ITGB5: variants seen among roughly 807,000 people sequenced by gnomAD.
ITGB5 encodes the protein integrin beta-5.
ITGB5 carries 38 observed loss-of-function variants against 84.8 expected under a neutral mutation model. The ratio of observed to expected loss-of-function variants is 0.45; its 90% CI spans 0.35 to 0.59. ITGB5 has a LOEUF of 0.59. Ranked by LOEUF, ITGB5 falls within the 20% of genes least tolerant of loss-of-function variation. The pLI, the probability that ITGB5 is intolerant of heterozygous loss-of-function variation, is 0.01. For missense variants in ITGB5, 905 were observed against 1,034.5 expected, an observed-to-expected ratio of 0.87 and a Z score of 1.72; for synonymous variants, 393 against 414.4, an observed-to-expected ratio of 0.95 and a Z score of 0.63.
Position 124,796,948 on chromosome 3 carries a change from A to C in ITGB5, c.1264-131T>G, listed in dbSNP as rs545498633. The stretch of plus-strand genomic sequence containing the variant: ...CTCCACGCACTCAGGTAGAACCACC[A>C]AGATGGCCGGAGTAGGAAGAGACCT... On this transcript the variant is annotated intron_variant, in intron 9 of 14. Transcript: ENST00000296181. 1.4e-4 allele frequency: 115 copies of C among 817,124 alleles called. 1 individual carries two copies. The African/African-American group carries it at 1.7e-3, about 12-fold the overall frequency. The allele number at this position is 817,124 out of a possible 1,614,324, so 50.6% of individuals were successfully genotyped here.
At chr3:124,797,912 C>G (rs1188138348) in intron 9 of ITGB5, among the ~76,000 whole-genome samples, 1 of 152,088 alleles carries the variant, frequency 6.6e-6, no homozygotes, top group Non-Finnish European at 1.5e-5. Context: ...GCCCGGCCCA[C>G]CCCACAAACA....
chr3:124,880,314 T>C (rs1200186159), intron 1 of ITGB5, among the ~76,000 whole-genome samples: 2 of 152,218 alleles, frequency 1.3e-5, no homozygotes, highest in African/African-American at 4.8e-5. Flanking sequence ...AACATATCAA[T>C]ATGGTTCATT....
rs766514731 is a variant in ITGB5 at position 124,848,425 on chromosome 3, C to T, written c.495G>A (p.Ala165=). 7.0e-5 allele frequency: 113 copies of T among 1,614,042 alleles called. 1 individual carries two copies. The highest frequency in any genetic ancestry group is 3.3e-4 in the Middle Eastern group (2 of 6,084). The change falls in exon 4 of 15, where the codon GCG becomes GCA. Residue 165 remains alanine, a synonymous_variant. Transcript: ENST00000296181. ...DNIRSLGTKL[A]EEMRKLTSNF... Reference sequence around the variant, plus strand: ...TGCTGGTGAGCTTCCTCATCTCCTCCGCGAGTTTGGTGCCCAGGCTCCGGA... The same window carrying T: ...TGCTGGTGAGCTTCCTCATCTCCTCTGCGAGTTTGGTGCCCAGGCTCCGGA...
At chr3:124,870,138 C>T (rs1933925637) in intron 2 of ITGB5, among the ~76,000 whole-genome samples, 1 of 152,206 alleles carries the variant, frequency 6.6e-6, no homozygotes, top group Non-Finnish European at 1.5e-5. Context: ...GTCTTTTTAA[C>T]AGTACTCTTA....
chr3:124,817,258 C>T (rs1302605225), intron 8 of ITGB5, among the ~76,000 whole-genome samples: 1 of 152,104 alleles, frequency 6.6e-6, no homozygotes, highest in Non-Finnish European at 1.5e-5. Flanking sequence ...GCAGAGAATA[C>T]GGTGGCAGCG....
At chr3:124,798,533 TC>T in intron 9 of ITGB5, among the ~76,000 whole-genome samples, 1 of 151,542 alleles carries the variant, frequency 6.6e-6, no homozygotes, top group East Asian at 2.0e-4. Context: ...GATTTTCCCA[TC>T]TCAGCCTCTC....
chr3:124,766,166 CATCAGAA>C, intron 13 of ITGB5, 53 bp downstream of exon 13: 4 of 1,564,426 alleles, frequency 2.6e-6, no homozygotes, highest in Non-Finnish European at 3.5e-6. Flanking sequence ...CAGAGAATGG[CATCAGAA>C]ATCAGAACTG....
intron 10 of ITGB5, among the ~76,000 whole-genome samples, chr3:124,775,431 AGT>A (rs2063912828): frequency 6.6e-6 from 1 of 151,680 alleles, no homozygotes; most frequent in Non-Finnish European, 1.5e-5. Context: ...TTTGTTCTGG[AGT>A]GTGAGCGTGC....
intron 2 of ITGB5, among the ~76,000 whole-genome samples, chr3:124,872,318 G>T (rs1934096730): frequency 6.6e-6 from 1 of 152,196 alleles, no homozygotes; most frequent in African/African-American, 2.4e-5. Context: ...GTGTGACCTT[G>T]AGTGAGTTAT....
At chr3:124,820,379 TG>T (rs562685058) in intron 6 of ITGB5, among the ~76,000 whole-genome samples, 1 of 152,116 alleles carries the variant, frequency 6.6e-6, no homozygotes, top group Non-Finnish European at 1.5e-5. Flanking sequence ...AGTTGGGCCA[TG>T]GGGCAGGGGT....
chr3:124,873,075 G>A (rs1054922398), intron 2 of ITGB5, among the ~76,000 whole-genome samples: 1 of 152,158 alleles, frequency 6.6e-6, no homozygotes, highest in Non-Finnish European at 1.5e-5. Context: ...CCACCAACAT[G>A]CCAGCCATCT....
Position 124,848,304 on chromosome 3 carries a change from C to T in ITGB5, c.611+5G>A, listed in dbSNP as rs769595160. ...TACCCAACAGAAGGGCAACTGGTCA[C>T]TTACCCAATGCACGGATTGGTCTGG... On this transcript the variant is annotated splice_donor_5th_base_variant and intron_variant, in intron 4 of 14. Coordinates refer to ENST00000296181, the MANE Select transcript of ITGB5 (RefSeq NM_002213.5). 13 of 1,613,314 alleles carry T rather than the reference C, an allele frequency of 8.1e-6. No homozygotes were observed. Among genetic ancestry groups the T allele is most frequent in the Non-Finnish European group, 1.0e-5 (12 of 1,179,408 alleles).
At chr3:124,871,203 C>A (rs2107636656) in intron 2 of ITGB5, among the ~76,000 whole-genome samples, 1 of 148,726 alleles carries the variant, frequency 6.7e-6, no homozygotes, top group African/African-American at 2.5e-5. Flanking sequence ...TGAATTGATT[C>A]TTTTTTTTTG....
intron 2 of ITGB5, among the ~76,000 whole-genome samples, chr3:124,870,749 C>CCCTGCCCCTTACACT (rs373001465): frequency 0.15 from 22,819 of 149,438 alleles, 1,871 homozygotes; most frequent in South Asian, 0.21. Flanking sequence ...AAAAAAAAAC[C>CCCTGCCCCTTACACT]CCAGTGGAGG....
chr3:124,808,349 C>T (rs935223570), intron 9 of ITGB5, among the ~76,000 whole-genome samples: 1 of 152,230 alleles, frequency 6.6e-6, no homozygotes. Flanking sequence ...CTGCTTCTAG[C>T]AGCAGGACCT....
chr3:124,856,017 G>A (rs1378443000), intron 3 of ITGB5, among the ~76,000 whole-genome samples: 1 of 151,948 alleles, frequency 6.6e-6, no homozygotes, highest in Non-Finnish European at 1.5e-5. Flanking sequence ...CATCTAGACT[G>A]GAGCCTCAAA....
chr3:124,814,443 A>T (rs1004638575), intron 8 of ITGB5, among the ~76,000 whole-genome samples: 3 of 150,642 alleles, frequency 2.0e-5, no homozygotes, highest in African/African-American at 7.3e-5. Context: ...TATGTTAATT[A>T]TATGTCAATA....
intron 11 of ITGB5, among the ~76,000 whole-genome samples, chr3:124,771,843 T>TTAAG (rs2063850213): frequency 6.6e-6 from 1 of 151,372 alleles, no homozygotes; most frequent in African/African-American, 2.5e-5. Flanking sequence ...TAATAAATTA[T>TTAAG]TAAGTCTATG....
At chr3:124,806,659 G>A (rs571629366) in intron 9 of ITGB5, among the ~76,000 whole-genome samples, 1 of 151,578 alleles carries the variant, frequency 6.6e-6, no homozygotes, top group Non-Finnish European at 1.5e-5. Context: ...GGATGGTCTC[G>A]ATCTCCTAAC....
Sources: gnomAD v4.1 joint callset for allele counts (sites outside exome capture counted in the v4.1 genomes callset) on GRCh38, gnomAD v4.1.1 for gene constraint, MANE v1.5 for transcripts, NCBI Gene and HGNC (gene_info 2026-07-23, HGNC 2026-07-21) for gene names.